The following LAMA2 variants were observed in gnomAD, a reference collection of about 807,000 sequenced individuals.
LAMA2 encodes the protein laminin subunit alpha 2.
A neutral mutation model predicts 364.8 loss-of-function variants in LAMA2; 269 were observed. The ratio of observed to expected loss-of-function variants is 0.74; its 90% CI spans 0.67 to 0.82. The LOEUF is 0.82. LAMA2 is among the 40% of genes least tolerant of loss of function. LAMA2 has a pLI of 0.00. For synonymous variants in LAMA2, 1,379 were observed against 1,370.6 expected (o/e 1.01, Z -0.14); for missense variants, 3,807 against 3,873.2 (o/e 0.98, Z 0.45).
intron 1 of LAMA2, chr6:128,928,865 A>T (rs1218955028): frequency 1.5e-6 from 1 of 652,504 alleles, no homozygotes. Context: ...AGTAAAGTGG[A>T]CTTTGTGAGA....
At chr6:129,335,962 G>T (rs1211299574) in intron 29 of LAMA2, among the ~76,000 whole-genome samples, 1 of 152,148 alleles carries the variant, frequency 6.6e-6, no homozygotes, top group African/African-American at 2.4e-5. Context: ...GTGACTAGGG[G>T]TCATGTATGG....
intron 1 of LAMA2, among the ~76,000 whole-genome samples, chr6:128,904,689 C>T (rs896704929): frequency 6.6e-6 from 1 of 152,034 alleles, no homozygotes; most frequent in African/African-American, 2.4e-5. Flanking sequence ...GAACTCATGA[C>T]CTTGTGATCT....
intron 12 of LAMA2, among the ~76,000 whole-genome samples, chr6:129,215,957 A>G (rs551234298): frequency 4.4e-4 from 67 of 152,356 alleles, no homozygotes; most frequent in Middle Eastern, 3.4e-3. Context: ...AAGTATCATT[A>G]GAAATAGAAT....
chr6:129,308,739 A>G (rs1362584939), intron 22 of LAMA2, among the ~76,000 whole-genome samples: 1 of 152,228 alleles, frequency 6.6e-6, no homozygotes, highest in East Asian at 1.9e-4. Flanking sequence ...ATGGGCTCAC[A>G]GTTCTGGAGG....
intron 46 of LAMA2, among the ~76,000 whole-genome samples, chr6:129,453,896 G>T (rs1451548967): frequency 6.7e-6 from 1 of 149,188 alleles, no homozygotes; most frequent in Admixed American, 6.7e-5. Flanking sequence ...CTCAAAATTA[G>T]ACTTAATTTG....
At chr6:129,113,743 G>T (rs1339020792) in intron 4 of LAMA2, among the ~76,000 whole-genome samples, 1 of 152,000 alleles carries the variant, frequency 6.6e-6, no homozygotes, top group Non-Finnish European at 1.5e-5. Flanking sequence ...GCAACATAAA[G>T]TGTGTGTACC....
intron 30 of LAMA2, among the ~76,000 whole-genome samples, chr6:129,347,611 C>A (rs548241533): frequency 6.6e-6 from 1 of 152,198 alleles, no homozygotes; most frequent in Admixed American, 6.5e-5. Context: ...TTTAAAAATT[C>A]TGTTGAGGGG....
At chr6:129,405,803 C>T (rs1780220502) in intron 40 of LAMA2, among the ~76,000 whole-genome samples, 1 of 151,962 alleles carries the variant, frequency 6.6e-6, no homozygotes, top group African/African-American at 2.4e-5. Flanking sequence ...GGACTAACAT[C>T]CCATAAATAT....
rs1317877054 is a variant in LAMA2, at chr6:129,177,784, G to C, written c.1385G>C (p.Gly462Ala). ...GATCGGTGTGCCAGGGGCTACACTG[G>C]CTACCCGGACTGCAAAGCCTGTAAC... is the stretch of plus-strand genomic sequence containing the variant. ...SCDRCARGYT[G>A]YPDCKACNCS... Residue 462 changes from glycine to alanine, a missense_variant, in exon 10 of 65, where the codon GGC (glycine) becomes GCC (alanine). Coordinates refer to ENST00000421865, the MANE Select transcript of LAMA2 (RefSeq NM_000426.4). The C allele has an allele frequency of 6.2e-7, 1 of 1,613,888 alleles. No homozygotes were observed. The highest frequency in any genetic ancestry group is 1.7e-5 in the Admixed American group (1 of 59,920).
chr6:129,301,594 A>G (rs1773552711), intron 22 of LAMA2, among the ~76,000 whole-genome samples: 1 of 152,142 alleles, frequency 6.6e-6, no homozygotes, highest in South Asian at 2.1e-4. Context: ...TTTGCTTTGC[A>G]ATGGAGTAGA....
chr6:129,048,741 A>G (rs1339925192), intron 1 of LAMA2, among the ~76,000 whole-genome samples: 1 of 151,314 alleles, frequency 6.6e-6, no homozygotes, highest in Non-Finnish European at 1.5e-5. Flanking sequence ...CAGGTTTCCA[A>G]GTAGCTGGGA....
chr6:129,482,677 A>G (rs1166647045), intron 55 of LAMA2, among the ~76,000 whole-genome samples: 1 of 152,226 alleles, frequency 6.6e-6, no homozygotes, highest in African/African-American at 2.4e-5. Context: ...TACAAAGCCC[A>G]CACAAAATAT....
intron 1 of LAMA2, chr6:128,928,961 C>A: frequency 1.0e-6 from 1 of 998,168 alleles, no homozygotes. Flanking sequence ...GGAGGTAATA[C>A]AGGGAAGCTA....
At chr6:129,210,874 G>T (rs1443307603) in intron 12 of LAMA2, among the ~76,000 whole-genome samples, 4 of 152,104 alleles carry the variant, frequency 2.6e-5, no homozygotes, top group Non-Finnish European at 2.9e-5. Flanking sequence ...GGCTACAGTG[G>T]TCGACAGAGT....
intron 3 of LAMA2, among the ~76,000 whole-genome samples, chr6:129,093,806 G>A (rs1206053188): frequency 3.3e-5 from 5 of 152,044 alleles, no homozygotes; most frequent in African/African-American, 1.2e-4. Flanking sequence ...AAGTTATTTG[G>A]GATTTTTTTA....
At chr6:129,068,033 A>T (rs1478565777) in intron 3 of LAMA2, among the ~76,000 whole-genome samples, 1 of 152,080 alleles carries the variant, frequency 6.6e-6, no homozygotes, top group Non-Finnish European at 1.5e-5. Flanking sequence ...TCTAAATGCA[A>T]TTTTTTTGTG....
At chr6:129,505,109 T>C in intron 60 of LAMA2, 91 bp from the exon 61 acceptor site, 1 of 1,157,442 alleles carries the variant, frequency 8.6e-7, no homozygotes, top group South Asian at 1.2e-5. Context: ...TCAATTTTTC[T>C]TGGTAACATC....
At chr6:128,889,469 C>G (rs538809768) in intron 1 of LAMA2, among the ~76,000 whole-genome samples, 2 of 152,056 alleles carry the variant, frequency 1.3e-5, no homozygotes, top group Non-Finnish European at 1.5e-5. Flanking sequence ...TATAGTAATG[C>G]AATTTTGGCC....
chr6:129,327,915 T>A (rs1775398768), intron 28 of LAMA2, among the ~76,000 whole-genome samples: 1 of 152,228 alleles, frequency 6.6e-6, no homozygotes, highest in Non-Finnish European at 1.5e-5. Flanking sequence ...TCAAGCACAG[T>A]AAAAGCAGAT....
Sources: gnomAD v4.1 joint callset for allele counts (sites outside exome capture counted in the v4.1 genomes callset) on GRCh38, gnomAD v4.1.1 for gene constraint, MANE v1.5 for transcripts, NCBI Gene and HGNC (gene_info 2026-07-23, HGNC 2026-07-21) for gene names.